Variants in WNT3 observed in about 807,000 individuals in gnomAD.
WNT3 encodes the protein proto-oncogene Wnt-3.
A neutral mutation model predicts 34.2 loss-of-function variants in WNT3; 7 were observed. The observed-to-expected ratio is 0.20, with a 90% CI of 0.12 to 0.38. WNT3 has a LOEUF of 0.38. Among genes scored for constraint, WNT3 ranks in the 10% least tolerant of loss-of-function variants. The probability of loss-of-function intolerance (pLI) is 1.00; values close to 1 mark genes in which losing one functional copy is unlikely to be tolerated. For missense variants in WNT3, 267 were observed against 499.8 expected, an observed-to-expected ratio of 0.53 and a Z score of 4.44; for synonymous variants, 212 against 211.5, an observed-to-expected ratio of 1.00 and a Z score of -0.02.
At position 46,818,505 on chromosome 17, in the gene WNT3, A is replaced by T; in HGVS notation, c.80+13T>A. 1 of 1,601,292 alleles carries T rather than the reference A, an allele frequency of 6.2e-7. No homozygotes were observed. Among genetic ancestry groups the T allele is most frequent in the Non-Finnish European group, 8.5e-7 (1 of 1,175,278 alleles). ...AGAAACCGGGCCGCGGGCAGACAAG[A>T]GGCGAGTCTTACCACCAAATTGGGT... On this transcript the variant is annotated intron_variant, in intron 1 of 4. Transcript: ENST00000225512.
At chr17:46,787,110 T>C (rs542531945) in intron 1 of WNT3, among the ~76,000 whole-genome samples, 11 of 151,974 alleles carry the variant, frequency 7.2e-5, no homozygotes, top group Non-Finnish European at 1.5e-4. Flanking sequence ...GCTAAGTTTT[T>C]AAAATTTTTT....
chr17:46,799,575 G>A (rs2084098689), intron 1 of WNT3, among the ~76,000 whole-genome samples: 1 of 151,660 alleles, frequency 6.6e-6, no homozygotes, highest in Non-Finnish European at 1.5e-5. Flanking sequence ...AGCCTCCTGA[G>A]TAGCTGGGAT....
chr17:46,781,638 T>A (rs1278402507), intron 1 of WNT3, among the ~76,000 whole-genome samples: 1 of 152,158 alleles, frequency 6.6e-6, no homozygotes. Flanking sequence ...GAGTTTGGGA[T>A]GATGAAAACA....
Position 46,768,609 on chromosome 17 carries a change from C to T in WNT3, c.779G>A (p.Arg260Gln), listed in dbSNP as rs1488424377. 1.9e-6 allele frequency: 3 copies of T among 1,614,130 alleles called. No individual in the cohort carries two copies. The highest frequency in any genetic ancestry group is 1.1e-5 in the South Asian group (1 of 91,084). The change falls in exon 4 of 5, where the codon CGG (arginine) becomes CAG (glutamine). Residue 260 changes from arginine to glutamine, a missense_variant. Arg to Gln is a conservative substitution (Grantham distance 43). This residue lies in a region of WNT3 where 181 missense variants were observed against 391.3 expected (regional missense o/e 0.46). Transcript: ENST00000225512. This position sits in a 1 kb window ranked among gnomAD's most constrained non-coding sequence, Gnocchi z 5.0. ...TGGCTTGAAGAGCGAGTACTTGGCC[C>T]GGAGGGTCTCCACCCAGCCTCGGGA... ...RESRGWVETL[R>Q]AKYSLFKPPT...
rs973856534 is a variant in WNT3 at position 46,764,570 on chromosome 17, A to T, written c.*60T>A. 6.6e-6 allele frequency: 1 copy of T among 152,246 alleles called. No homozygotes were observed. Among genetic ancestry groups the T allele is most frequent in the Non-Finnish European group, 1.5e-5 (1 of 68,076 alleles). The allele number at this position is 152,246 out of a possible 1,614,324, so 9.4% of individuals were successfully genotyped here. ...TGCCCGGCTCTAGGTCCTGCTTCCC[A>T]TGAGACTTCGCTGAATCCGCCCAGC... On this transcript the variant is annotated 3_prime_UTR_variant, in exon 5 of 5. Coordinates refer to ENST00000225512, the MANE Select transcript of WNT3 (RefSeq NM_030753.5).
chr17:46,779,385 C>G (rs2059441647), intron 1 of WNT3, among the ~76,000 whole-genome samples: 1 of 152,152 alleles, frequency 6.6e-6, no homozygotes. Context: ...CCCTGCCAGG[C>G]CTTCGCAGCT....
chr17:46,812,241 A>G (rs2084285990), intron 1 of WNT3, among the ~76,000 whole-genome samples: 1 of 152,206 alleles, frequency 6.6e-6, no homozygotes, highest in South Asian at 2.1e-4. Context: ...GACCCTGCTT[A>G]GAGCCGGGAC....
intron 2 of WNT3, among the ~76,000 whole-genome samples, chr17:46,771,160 C>T (rs2059364637): frequency 6.6e-6 from 1 of 152,236 alleles, no homozygotes; most frequent in African/African-American, 2.4e-5. Flanking sequence ...GCGCCACCTA[C>T]AGAGGGGCCC....
intron 4 of WNT3, among the ~76,000 whole-genome samples, chr17:46,767,066 CCTT>C (rs1224345040): frequency 1.3e-5 from 2 of 152,124 alleles, no homozygotes; most frequent in Non-Finnish European, 2.9e-5. Flanking sequence ...ACACTAGGCT[CCTT>C]CTCAGGGGAC....
At chr17:46,771,491 CGCGGGGGCG>C (rs932381274) in intron 2 of WNT3, among the ~76,000 whole-genome samples, 3 of 149,648 alleles carry the variant, frequency 2.0e-5, no homozygotes, top group African/African-American at 4.9e-5. Context: ...GCCCCGGGAA[CGCGGGGGCG>C]GCGGGGGCGG....
intron 1 of WNT3, among the ~76,000 whole-genome samples, chr17:46,785,766 C>T (rs2059498813): frequency 6.6e-6 from 1 of 152,136 alleles, no homozygotes; most frequent in Non-Finnish European, 1.5e-5. Flanking sequence ...CAGACTATAC[C>T]TCAGTCAGAG....
chr17:46,773,329 C>T (rs1490706638), intron 2 of WNT3, among the ~76,000 whole-genome samples: 1 of 152,118 alleles, frequency 6.6e-6, no homozygotes, highest in Non-Finnish European at 1.5e-5. Flanking sequence ...CTCTCACCCC[C>T]ACCCCAAAGC....
At chr17:46,782,690 C>T (rs972225176) in intron 1 of WNT3, among the ~76,000 whole-genome samples, 2 of 152,202 alleles carry the variant, frequency 1.3e-5, no homozygotes, top group African/African-American at 4.8e-5. Context: ...TCTGATGCAC[C>T]CAACTACACC....
Position 46,768,204 on chromosome 17 carries a change from T to C in WNT3, c.*8+108A>G. ...TTTTGGCTGTGGGAACTTGTGTGTC[T>C]TGGATAGCTTAGAAACAGAAGGGGG... On this transcript the variant is annotated intron_variant, in intron 4 of 4. Transcript: ENST00000225512. This position sits in a 1 kb window ranked among gnomAD's most constrained non-coding sequence, Gnocchi z 5.0. 1 of 1,519,742 alleles carries C rather than the reference T, an allele frequency of 6.6e-7. No homozygotes were observed. Among genetic ancestry groups the C allele is most frequent in the Non-Finnish European group, 8.9e-7 (1 of 1,123,006 alleles). 94.1% of individuals were successfully genotyped at this position (1,519,742 alleles called of 1,614,324 possible).
chr17:46,785,789 G>A (rs891004274), intron 1 of WNT3, among the ~76,000 whole-genome samples: 4 of 152,098 alleles, frequency 2.6e-5, no homozygotes, highest in Non-Finnish European at 4.4e-5. Context: ...AAGAGGCTGC[G>A]GGCCCTGTGC....
chr17:46,809,428 A>G (rs2084241296), intron 1 of WNT3, among the ~76,000 whole-genome samples: 1 of 152,196 alleles, frequency 6.6e-6, no homozygotes, highest in African/African-American at 2.4e-5. Flanking sequence ...AAGGTCTTCC[A>G]GACAGACCTG....
intron 1 of WNT3, among the ~76,000 whole-genome samples, chr17:46,801,130 G>A (rs2146442997): frequency 6.6e-6 from 1 of 152,324 alleles, no homozygotes; most frequent in South Asian, 2.1e-4. Flanking sequence ...AGAAAACCAA[G>A]GCTTGGAGAG....
At chr17:46,776,964 C>G (rs1029087801) in intron 1 of WNT3, among the ~76,000 whole-genome samples, 1 of 152,278 alleles carries the variant, frequency 6.6e-6, no homozygotes, top group Admixed American at 6.5e-5. Flanking sequence ...TGGGCACCCT[C>G]AAGCTAAACT....
intron 1 of WNT3, among the ~76,000 whole-genome samples, chr17:46,784,733 C>A (rs1340909577): frequency 6.6e-6 from 1 of 151,796 alleles, no homozygotes; most frequent in African/African-American, 2.4e-5. Context: ...ACAGAGGGAG[C>A]CACTGTGCCC....
Sources: allele counts gnomAD v4.1 joint callset (sites outside exome capture counted in the v4.1 genomes callset), GRCh38; gene constraint gnomAD v4.1.1; regional missense constraint gnomAD v4.1.1; non-coding constraint Gnocchi (gnomAD v3.1); transcripts MANE v1.5; gene names NCBI Gene and HGNC (gene_info 2026-07-23, HGNC 2026-07-21).